Variants in ATRNL1 observed in about 807,000 individuals in gnomAD.
ATRNL1 encodes attractin like 1.
A neutral mutation model predicts 182.7 loss-of-function variants in ATRNL1; 95 were observed. That is an observed-to-expected ratio of 0.52 (90% CI 0.44 to 0.62). The LOEUF (loss-of-function observed/expected upper bound fraction) is 0.62. Among genes scored for constraint, ATRNL1 ranks in the 20% least tolerant of loss-of-function variants. The pLI is 0.00. For missense variants in ATRNL1, 1,471 were observed against 1,679.5 expected (o/e 0.88, Z 2.17); for synonymous variants, 576 against 568.3 (o/e 1.01, Z -0.19).
intron 27 of ATRNL1, among the ~76,000 whole-genome samples, chr10:115,843,773 A>G (rs1950864546): frequency 6.6e-6 from 1 of 152,090 alleles, no homozygotes; most frequent in African/African-American, 2.4e-5. Context: ...ATGTCTTTAA[A>G]GAACTTTCTA....
chr10:115,623,984 A>G (rs1592965410), intron 26 of ATRNL1, among the ~76,000 whole-genome samples: 1 of 152,278 alleles, frequency 6.6e-6, no homozygotes, highest in Non-Finnish European at 1.5e-5. Flanking sequence ...ATTGTAAAAA[A>G]AATGAATATA....
chr10:115,738,737 A>T (rs374717621), intron 27 of ATRNL1, among the ~76,000 whole-genome samples: 4 of 152,286 alleles, frequency 2.6e-5, no homozygotes, highest in African/African-American at 9.6e-5. Flanking sequence ...TATTAACATG[A>T]TATAAATAGA....
chr10:115,533,684 A>C (rs1285159332), intron 25 of ATRNL1, among the ~76,000 whole-genome samples: 101 of 150,248 alleles, frequency 6.7e-4, no homozygotes, highest in Non-Finnish European at 1.1e-3. Flanking sequence ...TAGTTCTTTT[A>C]ATTGTGATGT....
chr10:115,771,241 T>C (rs1334202552), intron 27 of ATRNL1, among the ~76,000 whole-genome samples: 1 of 151,352 alleles, frequency 6.6e-6, no homozygotes, highest in Non-Finnish European at 1.5e-5. Flanking sequence ...TTTTTTTTTT[T>C]TTTTTTTGAG....
At chr10:115,321,921 A>T (rs939920109) in intron 18 of ATRNL1, among the ~76,000 whole-genome samples, 8 of 152,158 alleles carry the variant, frequency 5.3e-5, no homozygotes, top group Non-Finnish European at 1.0e-4. Context: ...GTAAAGTTAC[A>T]GAATGCCTAA....
At chr10:115,104,349 A>G (rs1165015114) in intron 1 of ATRNL1, among the ~76,000 whole-genome samples, 1 of 152,168 alleles carries the variant, frequency 6.6e-6, no homozygotes, top group East Asian at 1.9e-4. Flanking sequence ...TCTTTTGAGA[A>G]ATGTCTATTC....
At chr10:115,229,611 G>A (rs1215817921) in intron 9 of ATRNL1, among the ~76,000 whole-genome samples, 6 of 151,948 alleles carry the variant, frequency 3.9e-5, no homozygotes, top group Non-Finnish European at 8.8e-5. Flanking sequence ...CAAACATATA[G>A]TTGCGAAGTA....
chr10:115,785,391 C>T (rs553583891), intron 27 of ATRNL1, among the ~76,000 whole-genome samples: 2 of 152,314 alleles, frequency 1.3e-5, no homozygotes, highest in South Asian at 2.1e-4. Flanking sequence ...TCATCCGTGG[C>T]TCCACCCTTA....
chr10:115,303,221 G>GTTTTTGTTTT (rs781902037), intron 17 of ATRNL1, among the ~76,000 whole-genome samples: 1 of 107,024 alleles, frequency 9.3e-6, no homozygotes. Flanking sequence ...TGGTATGCAG[G>GTTTTTGTTTT]TTTTTTTTTT....
At chr10:115,308,695 C>T (rs1853860381) in intron 17 of ATRNL1, among the ~76,000 whole-genome samples, 1 of 152,082 alleles carries the variant, frequency 6.6e-6, no homozygotes, top group Non-Finnish European at 1.5e-5. Context: ...ACTTTAGGAA[C>T]AATAGCATAG....
At chr10:115,709,438 C>CT (rs1946997916) in intron 26 of ATRNL1, among the ~76,000 whole-genome samples, 1 of 151,900 alleles carries the variant, frequency 6.6e-6, no homozygotes, top group Admixed American at 6.6e-5. Context: ...TGTAGTTCTG[C>CT]TTTTTTGGAA....
chr10:115,676,776 G>A (rs555586958), intron 26 of ATRNL1, among the ~76,000 whole-genome samples: 9 of 151,938 alleles, frequency 5.9e-5, no homozygotes, highest in African/African-American at 9.6e-5. Context: ...GGAGAAAGAC[G>A]GACAGGAAAA....
chr10:115,594,706 TG>T (rs1856123841), intron 26 of ATRNL1, among the ~76,000 whole-genome samples: 2 of 152,176 alleles, frequency 1.3e-5, no homozygotes, highest in South Asian at 4.1e-4. Context: ...GGTTTCCTCA[TG>T]TTGGCCAGGC....
rs143130499 is a variant in ATRNL1, at chr10:115,614,123, T to G, written c.3795+64587T>G. ...CCTTGAGGTGCATCACTACATCATT[T>G]AATTAAAATCTTTCTACTTTTATGA... On this transcript the variant is annotated intron_variant, in intron 26 of 28. Coordinates refer to ENST00000355044, the MANE Select transcript of ATRNL1 (RefSeq NM_207303.4). 1.6e-4 allele frequency among the ~76,000 whole-genome samples: 25 copies of G among 152,214 alleles called. 2 individuals carry two copies. In the East Asian group the frequency reaches 4.6e-3, roughly 28 times the overall value.
At chr10:115,099,401 G>A (rs561237425) in intron 1 of ATRNL1, among the ~76,000 whole-genome samples, 12 of 152,288 alleles carry the variant, frequency 7.9e-5, no homozygotes, top group African/African-American at 2.6e-4. Context: ...TCATGTGGAA[G>A]CCTTTTTATC....
chr10:115,714,074 C>T (rs981814711), intron 26 of ATRNL1, among the ~76,000 whole-genome samples: 1 of 151,716 alleles, frequency 6.6e-6, no homozygotes, highest in African/African-American at 2.4e-5. Context: ...ATATTAAGGC[C>T]TTGGCCCTAG....
chr10:115,094,141 C>CCCG (rs2084950932), intron 1 of ATRNL1, 98 bp downstream of exon 1: 5 of 1,183,480 alleles, frequency 4.2e-6, no homozygotes, highest in Non-Finnish European at 5.4e-6. Flanking sequence ...CCGTCGCTGC[C>CCCG]TCTGATCCCC....
At chr10:115,857,840 A>G (rs560663024) in intron 28 of ATRNL1, among the ~76,000 whole-genome samples, 1 of 152,354 alleles carries the variant, frequency 6.6e-6, no homozygotes, top group Admixed American at 6.5e-5. Flanking sequence ...ATGGAAATGA[A>G]AAATGAGACC....
intron 28 of ATRNL1, among the ~76,000 whole-genome samples, chr10:115,931,556 G>T (rs1048887708): frequency 6.6e-6 from 1 of 152,132 alleles, no homozygotes; most frequent in Admixed American, 6.5e-5. Context: ...CTGCTCAGAA[G>T]ATCTTGCTTT....
Sources: gnomAD v4.1 joint callset for allele counts (sites outside exome capture counted in the v4.1 genomes callset) on GRCh38, gnomAD v4.1.1 for gene constraint, MANE v1.5 for transcripts, NCBI Gene and HGNC (gene_info 2026-07-23, HGNC 2026-07-21) for gene names.